Variants in PITPNM3 observed in about 807,000 individuals in gnomAD.
PITPNM3 encodes the protein membrane-associated phosphatidylinositol transfer protein 3.
PITPNM3 carries 26 observed loss-of-function variants against 102.0 expected under a neutral mutation model. The ratio of observed to expected loss-of-function variants is 0.25; its 90% CI spans 0.19 to 0.35. The LOEUF (loss-of-function observed/expected upper bound fraction) is 0.35, where lower values mean the gene tolerates loss of function less well. PITPNM3 is among the 10% of genes least tolerant of loss of function. The pLI is 1.00. For missense variants in PITPNM3, 1,083 were observed against 1,346.1 expected, an observed-to-expected ratio of 0.80 and a Z score of 3.06; for synonymous variants, 578 against 558.6, an observed-to-expected ratio of 1.03 and a Z score of -0.49.
intron 6 of PITPNM3, chr17:6,480,344 C>T (rs1444347946): frequency 1.3e-5 from 2 of 152,258 alleles, no homozygotes; most frequent in East Asian, 3.8e-4. Context: ...AAAAGGAAGG[C>T]CCAGGGAAGG....
chr17:6,521,562 T>C (rs575547665), intron 3 of PITPNM3: 1 of 150,818 alleles, frequency 6.6e-6, no homozygotes, highest in South Asian at 2.1e-4. Flanking sequence ...AAAATAATAG[T>C]AATAACAACA....
At chr17:6,516,283 G>T (rs975680003) in intron 3 of PITPNM3, among the ~76,000 whole-genome samples, 4 of 152,190 alleles carry the variant, frequency 2.6e-5, no homozygotes, top group Non-Finnish European at 5.9e-5. Flanking sequence ...GAAATACTTG[G>T]CCGGGCGCCG....
intron 2 of PITPNM3, among the ~76,000 whole-genome samples, chr17:6,529,096 C>T (rs1909000068): frequency 1.3e-5 from 2 of 152,178 alleles, no homozygotes; most frequent in South Asian, 4.1e-4. Flanking sequence ...CCTACTGAGA[C>T]CTGACCCAGC....
At chr17:6,465,103 A>C (rs968502629) in intron 14 of PITPNM3, among the ~76,000 whole-genome samples, 4 of 152,108 alleles carry the variant, frequency 2.6e-5, no homozygotes, top group Non-Finnish European at 5.9e-5. Flanking sequence ...CCCAGGCTGG[A>C]GTGCAATGGC....
At chr17:6,546,090 G>A (rs186720230) in intron 1 of PITPNM3, among the ~76,000 whole-genome samples, 1 of 152,232 alleles carries the variant, frequency 6.6e-6, no homozygotes, top group South Asian at 2.1e-4. Context: ...AGCCTTGAAG[G>A]GGGGCTGTCC....
chr17:6,528,100 C>T (rs958624693), intron 2 of PITPNM3, among the ~76,000 whole-genome samples: 5 of 152,214 alleles, frequency 3.3e-5, no homozygotes, highest in Non-Finnish European at 5.9e-5. Flanking sequence ...GGCCCTGACT[C>T]ACTCAGATCT....
chr17:6,467,067 C>CAAAAAAAAAAAA (rs1408443729), intron 14 of PITPNM3, among the ~76,000 whole-genome samples: 1 of 4,926 alleles, frequency 2.0e-4, no homozygotes, highest in Non-Finnish European at 4.6e-4. Flanking sequence ...CGTCTCAAAA[C>CAAAAAAAAAAAA]AAAAAAAAAA....
intron 6 of PITPNM3, 32 bp downstream of exon 6, chr17:6,483,485 C>T: frequency 6.3e-7 from 1 of 1,592,228 alleles, no homozygotes; most frequent in African/African-American, 1.3e-5. Context: ...CCACCAACCC[C>T]AACCAGTTCA....
chr17:6,531,362 G>A (rs769461520), intron 2 of PITPNM3, among the ~76,000 whole-genome samples: 7 of 152,158 alleles, frequency 4.6e-5, no homozygotes, highest in Middle Eastern at 3.2e-3. Context: ...TCAAAAGACC[G>A]TTTCATTTTT....
chr17:6,489,480 A>AT (rs58969534), intron 4 of PITPNM3, among the ~76,000 whole-genome samples: 291 of 128,660 alleles, frequency 2.3e-3, no homozygotes, highest in Non-Finnish European at 3.5e-3. Flanking sequence ...GTTTTTTTTT[A>AT]TTTTTTTTTT....
At chr17:6,494,541 T>C (rs1475201310) in intron 4 of PITPNM3, among the ~76,000 whole-genome samples, 1 of 152,218 alleles carries the variant, frequency 6.6e-6, no homozygotes, top group African/African-American at 2.4e-5. Context: ...GGCCTAGGAA[T>C]GGCTCTCACA....
intron 1 of PITPNM3, among the ~76,000 whole-genome samples, chr17:6,547,728 C>A (rs2150678011): frequency 6.7e-6 from 1 of 148,772 alleles, no homozygotes; most frequent in South Asian, 2.1e-4. Context: ...GGTCTCTTTT[C>A]TTTTCTTTTC....
At chr17:6,508,827 C>T (rs1415304420) in intron 3 of PITPNM3, among the ~76,000 whole-genome samples, 2 of 152,138 alleles carry the variant, frequency 1.3e-5, no homozygotes, top group Non-Finnish European at 2.9e-5. Context: ...GGCTTGCCTG[C>T]CCAGTCCAAG....
intron 3 of PITPNM3, among the ~76,000 whole-genome samples, chr17:6,512,722 G>GAA (rs1422359895): frequency 6.6e-6 from 1 of 152,118 alleles, no homozygotes; most frequent in Non-Finnish European, 1.5e-5. Flanking sequence ...TAGCTCTCTG[G>GAA]AATGCTAGAG....
chr17:6,471,428 T>C (rs1905070311), intron 11 of PITPNM3, 73 bp from the exon 12 acceptor site: 1 of 1,363,710 alleles, frequency 7.3e-7, no homozygotes, highest in Non-Finnish European at 9.8e-7. Flanking sequence ...GCCAGCCCCA[T>C]GCTGGGAGGG....
At chr17:6,516,143 G>A (rs1597396524) in intron 3 of PITPNM3, among the ~76,000 whole-genome samples, 1 of 152,278 alleles carries the variant, frequency 6.6e-6, no homozygotes, top group East Asian at 1.9e-4. Flanking sequence ...GCAGAATGGA[G>A]ACTGATGAAG....
chr17:6,524,875 T>G (rs936970488), intron 3 of PITPNM3, among the ~76,000 whole-genome samples: 1 of 152,162 alleles, frequency 6.6e-6, no homozygotes, highest in Non-Finnish European at 1.5e-5. Flanking sequence ...CTCTTCTCCA[T>G]AGAAAGCCTC....
At position 6,503,509 on chromosome 17, in the gene PITPNM3, G is replaced by A. The variant is rs372765051; in HGVS notation, c.274+18C>T. ...TCCAAGGGGAAGAAATGACCCCACA[G>A]GGTCAGGCTTGACTCACGCTGCTTC... is the stretch of plus-strand genomic sequence containing the variant. On this transcript the variant is annotated intron_variant, in intron 4 of 19. Coordinates refer to ENST00000262483, the MANE Select transcript of PITPNM3 (RefSeq NM_031220.4). 28 of 1,612,332 alleles carry A rather than the reference G, an allele frequency of 1.7e-5. No homozygotes were observed. Among genetic ancestry groups the A allele is most frequent in the South Asian group, 2.2e-5 (2 of 91,040 alleles).
rs759766610 is a variant in PITPNM3, at chr17:6,464,248, C to T, written c.2078G>A (p.Ser693Asn). The T allele has an allele frequency of 1.7e-5, 27 of 1,614,186 alleles. No homozygotes were observed. Among genetic ancestry groups the T allele is most frequent in the Non-Finnish European group, 2.2e-5 (26 of 1,180,018 alleles). ...WVHLDTEITN[S>N]SGRITYNVPR... ...CACATTGTATGTGATGCGACCACTG[C>T]TGTTGGTGATCTCTGTGTCCAGGTG... The change falls in exon 16 of 20, where the codon AGC (serine) becomes AAC (asparagine). Residue 693 changes from serine to asparagine, a missense_variant. By Grantham distance (46) the Ser-to-Asn change is conservative. Transcript: ENST00000262483.
Sources: allele counts gnomAD v4.1 joint callset (sites outside exome capture counted in the v4.1 genomes callset), GRCh38; gene constraint gnomAD v4.1.1; transcripts MANE v1.5; gene names NCBI Gene and HGNC (gene_info 2026-07-23, HGNC 2026-07-21).